XIRP2: variants seen among roughly 807,000 people sequenced by gnomAD.
The protein encoded by XIRP2 is xin actin-binding repeat-containing protein 2.
XIRP2 carries 236 observed loss-of-function variants against 277.0 expected under a neutral mutation model. The ratio of observed to expected loss-of-function variants is 0.85; its 90% confidence interval spans 0.77 to 0.95. The LOEUF is 0.95. XIRP2 is among the 40% of genes least tolerant of loss of function. The pLI is 0.00. For missense variants in XIRP2, 4,640 were observed against 4,157.5 expected, an observed-to-expected ratio of 1.12 and a Z score of -3.19; for synonymous variants, 1,490 against 1,416.5, an observed-to-expected ratio of 1.05 and a Z score of -1.17.
chr2:167,080,383 T>A (rs1689697394), intron 2 of XIRP2, among the ~76,000 whole-genome samples: 1 of 152,124 alleles, frequency 6.6e-6, no homozygotes, highest in Non-Finnish European at 1.5e-5. Flanking sequence ...AACATGAGGA[T>A]ACTGCCAGAC....
chr2:167,030,029 A>G (rs1174162348), intron 2 of XIRP2, among the ~76,000 whole-genome samples: 1 of 152,078 alleles, frequency 6.6e-6, no homozygotes, highest in Non-Finnish European at 1.5e-5. Flanking sequence ...CTCTGATGGT[A>G]GATTGTATTT....
chr2:167,210,248 T>A (rs1693984322), intron 3 of XIRP2, among the ~76,000 whole-genome samples: 1 of 152,204 alleles, frequency 6.6e-6, no homozygotes, highest in Non-Finnish European at 1.5e-5. Context: ...TTAGACTTGT[T>A]AAAGATTTTG....
intron 4 of XIRP2, among the ~76,000 whole-genome samples, chr2:167,213,950 G>A (rs1381041317): frequency 4.0e-5 from 6 of 151,834 alleles, no homozygotes; most frequent in Non-Finnish European, 7.4e-5. Flanking sequence ...AATCCGCGGT[G>A]GCTCACCCCT....
At chr2:166,899,984 G>A (rs754542720) in intron 1 of XIRP2, among the ~76,000 whole-genome samples, 6 of 151,362 alleles carry the variant, frequency 4.0e-5, no homozygotes, top group Non-Finnish European at 5.9e-5. Context: ...TTTTAATTTT[G>A]TTTCCTGAAA....
chr2:167,211,337 C>T (rs534517001), intron 4 of XIRP2, among the ~76,000 whole-genome samples: 7 of 152,102 alleles, frequency 4.6e-5, no homozygotes, highest in South Asian at 2.1e-4. Flanking sequence ...CCTCGTGATC[C>T]GCCCGCATCA....
chr2:167,181,304 G>T (rs1353875083), intron 3 of XIRP2, among the ~76,000 whole-genome samples: 2 of 152,106 alleles, frequency 1.3e-5, no homozygotes, highest in African/African-American at 4.8e-5. Context: ...ATTATTTGGG[G>T]AAACTATTTG....
chr2:167,099,558 G>GA (rs111880499), intron 2 of XIRP2, among the ~76,000 whole-genome samples: 2 of 151,542 alleles, frequency 1.3e-5, no homozygotes. Context: ...ACTGGGGTAT[G>GA]AAAAAAAACC....
At chr2:166,896,372 T>C (rs1308027646) in intron 1 of XIRP2, among the ~76,000 whole-genome samples, 8 of 152,102 alleles carry the variant, frequency 5.3e-5, no homozygotes, top group Non-Finnish European at 2.9e-5. Context: ...CCTGAAAACC[T>C]TCCAGTGGGA....
chr2:167,087,055 T>C (rs1689971861), intron 2 of XIRP2, among the ~76,000 whole-genome samples: 1 of 151,386 alleles, frequency 6.6e-6, no homozygotes, highest in South Asian at 2.1e-4. Flanking sequence ...TGTTCTGTTT[T>C]TTCCCCATCT....
intron 2 of XIRP2, among the ~76,000 whole-genome samples, chr2:167,029,044 A>G (rs1225493705): frequency 6.6e-6 from 1 of 151,920 alleles, no homozygotes. Context: ...AAGAATGAAA[A>G]ACAATGAAAC....
rs1442661983 is a variant in XIRP2 at position 167,250,090 on chromosome 2, G to A, written c.8698G>A (p.Glu2900Lys). ...TAGTCTGCAGGAAGAAAAATGTCTC[G>A]AAGTCAAGGGCATACAAGAGAAACA... ...YNSLQEEKCL[E>K]VKGIQEKQVF... The change falls in exon 9 of 11, where the codon GAA becomes AAA. Residue 2900 changes from glutamate to lysine, a missense_variant. Coordinates refer to ENST00000409195, the MANE Select transcript of XIRP2 (RefSeq NM_152381.6). 3 of 1,613,428 alleles carry A rather than the reference G, an allele frequency of 1.9e-6. No homozygotes were observed. Among genetic ancestry groups the A allele is most frequent in the Non-Finnish European group, 2.5e-6 (3 of 1,179,648 alleles).
intron 2 of XIRP2, among the ~76,000 whole-genome samples, chr2:166,919,171 A>G (rs1684972957): frequency 6.6e-6 from 1 of 152,162 alleles, no homozygotes; most frequent in South Asian, 2.1e-4. Flanking sequence ...TACATGGCAC[A>G]TAATACTCAC....
At chr2:167,212,053 A>G (rs570459723) in intron 4 of XIRP2, among the ~76,000 whole-genome samples, 4 of 152,340 alleles carry the variant, frequency 2.6e-5, no homozygotes, top group Non-Finnish European at 5.9e-5. Context: ...TTATTTAGAG[A>G]CAAGGCTGAC....
chr2:166,947,313 G>T (rs1685902277), intron 2 of XIRP2, among the ~76,000 whole-genome samples: 1 of 152,078 alleles, frequency 6.6e-6, no homozygotes, highest in Non-Finnish European at 1.5e-5. Flanking sequence ...TTATTTTCAT[G>T]AAAGTCTAAA....
chr2:167,074,338 G>A (rs1689507954), intron 2 of XIRP2, among the ~76,000 whole-genome samples: 1 of 151,858 alleles, frequency 6.6e-6, no homozygotes. Flanking sequence ...ACTTTTCCAT[G>A]CCTAGTCATT....
chr2:167,148,110 G>A (rs1224458900), intron 3 of XIRP2, among the ~76,000 whole-genome samples: 3 of 152,058 alleles, frequency 2.0e-5, no homozygotes, highest in Non-Finnish European at 2.9e-5. Flanking sequence ...GGCTGGGCAC[G>A]GTGGCTCACG....
chr2:166,960,350 G>C (rs759410298), intron 2 of XIRP2, among the ~76,000 whole-genome samples: 5 of 151,720 alleles, frequency 3.3e-5, no homozygotes, highest in Admixed American at 6.6e-5. Context: ...GAGAGAAAAG[G>C]TCAAATATTT....
At chr2:166,888,804 G>A (rs961011004) in intron 1 of XIRP2, among the ~76,000 whole-genome samples, 3 of 152,042 alleles carry the variant, frequency 2.0e-5, no homozygotes, top group African/African-American at 7.3e-5. Flanking sequence ...TTTAATCTGG[G>A]GCAGCAATGT....
At chr2:166,969,701 C>A (rs1329847240) in intron 2 of XIRP2, among the ~76,000 whole-genome samples, 2 of 151,560 alleles carry the variant, frequency 1.3e-5, no homozygotes, top group African/African-American at 2.4e-5. Context: ...CTCATTAAAA[C>A]CATTCATTTA....
Sources: allele counts gnomAD v4.1 joint callset (sites outside exome capture counted in the v4.1 genomes callset), GRCh38; gene constraint gnomAD v4.1.1; transcripts MANE v1.5; gene names NCBI Gene and HGNC (gene_info 2026-07-23, HGNC 2026-07-21).